SOX6: variants seen among roughly 807,000 people sequenced by gnomAD.
SOX6 encodes transcription factor SOX-6.
In SOX6, 11 loss-of-function variants were observed where a neutral mutation model predicts 97.8. The ratio of observed to expected loss-of-function variants is 0.11; its 90% confidence interval spans 0.07 to 0.19. The LOEUF is 0.19. Ranked by LOEUF, SOX6 falls within the 10% of genes least tolerant of loss-of-function variation. SOX6 has a pLI of 1.00. For missense variants in SOX6, 810 were observed against 1,039.5 expected (o/e 0.78, Z 3.04); for synonymous variants, 360 against 371.4 (o/e 0.97, Z 0.35).
chr11:16,575,998 T>C (rs577915230), intron 4 of SOX6, among the ~76,000 whole-genome samples: 2 of 152,154 alleles, frequency 1.3e-5, no homozygotes, highest in Non-Finnish European at 2.9e-5. Context: ...AGTGAAATAA[T>C]GTATATGGAA....
chr11:16,232,733 A>T (rs1590049359), intron 4 of SOX6, among the ~76,000 whole-genome samples: 1 of 152,264 alleles, frequency 6.6e-6, no homozygotes, highest in East Asian at 1.9e-4. Context: ...CCTTTGTACA[A>T]ACCATTTCTG....
intron 1 of SOX6, among the ~76,000 whole-genome samples, chr11:16,395,912 G>C (rs1858340368): frequency 6.6e-6 from 1 of 151,682 alleles, no homozygotes; most frequent in Non-Finnish European, 1.5e-5. Flanking sequence ...ATTTTTATAT[G>C]AGTGAAATTT....
chr11:16,659,423 A>C (rs1229081479), intron 3 of SOX6, among the ~76,000 whole-genome samples: 1 of 152,166 alleles, frequency 6.6e-6, no homozygotes, highest in Non-Finnish European at 1.5e-5. Context: ...TGCCAACACC[A>C]TACTGTATTG....
At chr11:16,048,071 T>C (rs1017514805) in intron 11 of SOX6, among the ~76,000 whole-genome samples, 1 of 152,108 alleles carries the variant, frequency 6.6e-6, no homozygotes, top group African/African-American at 2.4e-5. Flanking sequence ...GGCCTGTGAC[T>C]CAGTCATCTC....
intron 13 of SOX6, among the ~76,000 whole-genome samples, chr11:15,990,137 AT>A (rs2119819909): frequency 6.6e-6 from 1 of 152,082 alleles, no homozygotes; most frequent in Non-Finnish European, 1.5e-5. Context: ...CATAGTAATT[AT>A]TGTTTATGTG....
At chr11:16,117,358 C>T (rs1007064985) in intron 6 of SOX6, among the ~76,000 whole-genome samples, 2 of 149,124 alleles carry the variant, frequency 1.3e-5, no homozygotes, top group African/African-American at 2.4e-5. Context: ...TCTCAAAAAA[C>T]AAAACAAAAC....
chr11:16,004,438 TG>T (rs1854493529), intron 13 of SOX6, among the ~76,000 whole-genome samples: 1 of 152,172 alleles, frequency 6.6e-6, no homozygotes, highest in Non-Finnish European at 1.5e-5. Context: ...TTCATTTGTC[TG>T]GGGAATCTGT....
chr11:16,151,846 C>T (rs975001063), intron 6 of SOX6, among the ~76,000 whole-genome samples: 11 of 152,094 alleles, frequency 7.2e-5, no homozygotes, highest in African/African-American at 2.7e-4. Flanking sequence ...AATGAAGGTA[C>T]AAAGAACACA....
intron 12 of SOX6, among the ~76,000 whole-genome samples, chr11:16,028,368 A>T (rs1855267718): frequency 6.6e-6 from 1 of 152,174 alleles, no homozygotes; most frequent in South Asian, 2.1e-4. Flanking sequence ...GCTTTCAGGG[A>T]AAGTCTGTTC....
chr11:16,419,530 T>A (rs201099317), intron 1 of SOX6, among the ~76,000 whole-genome samples: 2 of 129,200 alleles, frequency 1.5e-5, no homozygotes, highest in African/African-American at 6.4e-5. Flanking sequence ...TGAGAAATTT[T>A]AAAAATAAAA....
chr11:16,003,004 T>C (rs558729623), intron 13 of SOX6, among the ~76,000 whole-genome samples: 1 of 152,286 alleles, frequency 6.6e-6, no homozygotes, highest in African/African-American at 2.4e-5. Context: ...TTTTAAATCC[T>C]TTAACCTCCA....
intron 6 of SOX6, among the ~76,000 whole-genome samples, chr11:16,160,288 C>G (rs893020174): frequency 7.2e-5 from 11 of 152,132 alleles, no homozygotes; most frequent in Non-Finnish European, 2.9e-5. Context: ...CTGAAAGGCC[C>G]AAACTTCACA....
rs1039049586 is a variant in SOX6, at chr11:16,278,035, A to G, written c.445+40411T>C. Among the ~76,000 whole-genome samples, 4 of 152,134 alleles carry G rather than the reference A, an allele frequency of 2.6e-5. No individual in the cohort carries two copies. The South Asian group carries it at 8.3e-4, about 31-fold the overall frequency. On this transcript the variant is annotated intron_variant, in intron 3 of 15. Transcript: ENST00000683767. ...ACTTGATAAAAGTCACAGCCTATAT[A>G]TATATTTCTCTCTTAGTGATTGATA...
chr11:16,519,000 T>A (rs2133158836), intron 4 of SOX6, among the ~76,000 whole-genome samples: 1 of 152,228 alleles, frequency 6.6e-6, no homozygotes, highest in South Asian at 2.1e-4. Flanking sequence ...TGAGCAGACC[T>A]CTCCTTTCTA....
intron 9 of SOX6, among the ~76,000 whole-genome samples, chr11:16,058,976 T>C (rs1282745467): frequency 2.0e-5 from 3 of 152,050 alleles, no homozygotes; most frequent in African/African-American, 4.8e-5. Context: ...TTACAACTGT[T>C]CCTTTAATGA....
chr11:16,317,242 A>G (rs959431832), intron 3 of SOX6: 11 of 151,146 alleles, frequency 7.3e-5, no homozygotes, highest in African/African-American at 2.4e-4. Context: ...CATTTATAAT[A>G]TATCAGTTAT....
At chr11:16,183,543 T>C (rs1380142427) in intron 6 of SOX6, among the ~76,000 whole-genome samples, 3 of 152,126 alleles carry the variant, frequency 2.0e-5, no homozygotes, top group African/African-American at 2.4e-5. Context: ...ACAGTACTAT[T>C]ACATGGTAAA....
At chr11:16,428,762 T>C (rs1476258153) in intron 1 of SOX6, among the ~76,000 whole-genome samples, 1 of 152,220 alleles carries the variant, frequency 6.6e-6, no homozygotes, top group Non-Finnish European at 1.5e-5. Context: ...GGTAGTGTGA[T>C]GCCTCCAGCT....
intron 3 of SOX6, among the ~76,000 whole-genome samples, chr11:16,310,785 CA>C (rs1432476560): frequency 2.0e-5 from 3 of 151,990 alleles, no homozygotes; most frequent in Non-Finnish European, 4.4e-5. Context: ...AAACATAAAA[CA>C]AGGCTTAAAT....
Sources: gnomAD v4.1 joint callset for allele counts (sites outside exome capture counted in the v4.1 genomes callset) on GRCh38, gnomAD v4.1.1 for gene constraint, MANE v1.5 for transcripts, NCBI Gene and HGNC (gene_info 2026-07-23, HGNC 2026-07-21) for gene names.